PDE4D: variants seen among roughly 807,000 people sequenced by gnomAD.
PDE4D encodes 3',5'-cyclic-AMP phosphodiesterase 4D.
A neutral mutation model predicts 87.4 loss-of-function variants in PDE4D; 24 were observed. The observed-to-expected ratio is 0.27, with a 90% CI of 0.20 to 0.39. The LOEUF (loss-of-function observed/expected upper bound fraction) is 0.39. PDE4D is among the 10% of genes least tolerant of loss of function. The pLI, the probability that PDE4D is intolerant of heterozygous loss-of-function variation, is 1.00. For missense variants in PDE4D, 714 were observed against 1,041.0 expected (o/e 0.69, Z 4.32); for synonymous variants, 384 against 383.2 (o/e 1.00, Z -0.02).
intron 1 of PDE4D, among the ~76,000 whole-genome samples, chr5:59,856,892 A>T (rs1252382316): frequency 6.6e-6 from 1 of 152,148 alleles, no homozygotes; most frequent in African/African-American, 2.4e-5. Context: ...GAAAATGAGT[A>T]TTAGTCCTTT....
chr5:60,013,508 T>C (rs1379772939), intron 2 of PDE4D, among the ~76,000 whole-genome samples: 1 of 152,158 alleles, frequency 6.6e-6, no homozygotes, highest in African/African-American at 2.4e-5. Flanking sequence ...GTCACAAAGA[T>C]CTAGTAGCAT....
At chr5:59,100,420 G>A (rs1180018456) in intron 5 of PDE4D, among the ~76,000 whole-genome samples, 2 of 152,028 alleles carry the variant, frequency 1.3e-5, no homozygotes, top group Non-Finnish European at 2.9e-5. Context: ...ATTCCAAATG[G>A]TCTCCAAGGT....
intron 1 of PDE4D, among the ~76,000 whole-genome samples, chr5:59,296,611 T>C (rs1769149242): frequency 6.6e-6 from 1 of 152,154 alleles, no homozygotes; most frequent in South Asian, 2.1e-4. Context: ...AAGGTAGTTG[T>C]TACAAATAAG....
intron 5 of PDE4D, among the ~76,000 whole-genome samples, chr5:59,046,304 G>C (rs1760646255): frequency 6.6e-6 from 1 of 151,944 alleles, no homozygotes; most frequent in African/African-American, 2.4e-5. Context: ...GCATGAGAGA[G>C]CGAGAGAATG....
chr5:60,321,110 T>G (rs1313274208), intron 1 of PDE4D, among the ~76,000 whole-genome samples: 2 of 152,070 alleles, frequency 1.3e-5, no homozygotes, highest in African/African-American at 4.8e-5. Flanking sequence ...CCTCAGCAAA[T>G]GAATAAAGCT....
chr5:60,506,450 T>G (rs576453136), intron 1 of PDE4D, among the ~76,000 whole-genome samples: 26 of 152,342 alleles, frequency 1.7e-4, no homozygotes, highest in African/African-American at 5.8e-4. Flanking sequence ...CCATGAATGC[T>G]TCCTCTACCT....
intron 1 of PDE4D, among the ~76,000 whole-genome samples, chr5:59,773,272 A>G (rs1156874302): frequency 6.6e-6 from 1 of 152,218 alleles, no homozygotes; most frequent in Non-Finnish European, 1.5e-5. Context: ...CATATAGTTT[A>G]CCAATGGCAT....
At chr5:59,514,327 G>A (rs1314285984) in intron 1 of PDE4D, among the ~76,000 whole-genome samples, 46 of 151,944 alleles carry the variant, frequency 3.0e-4, no homozygotes, top group Admixed American at 2.9e-3. Flanking sequence ...GGATGGTCTC[G>A]ATCTCCTGAT....
At chr5:60,034,945 G>A (rs1767625313) in intron 2 of PDE4D, among the ~76,000 whole-genome samples, 1 of 152,110 alleles carries the variant, frequency 6.6e-6, no homozygotes, top group African/African-American at 2.4e-5. Context: ...ATGGTAGCCT[G>A]GAAGATCATC....
chr5:60,118,309 T>A (rs13354486), intron 2 of PDE4D, among the ~76,000 whole-genome samples: 15,328 of 152,104 alleles, frequency 0.1, 1,018 homozygotes, highest in South Asian at 0.16. Context: ...TAAGTTGAGG[T>A]TTACTTATGC....
At chr5:59,497,992 C>G (rs553695371) in intron 1 of PDE4D, among the ~76,000 whole-genome samples, 1 of 151,992 alleles carries the variant, frequency 6.6e-6, no homozygotes, top group Non-Finnish European at 1.5e-5. Flanking sequence ...AGAAACCATA[C>G]AAGCCAGAAG....
intron 5 of PDE4D, among the ~76,000 whole-genome samples, chr5:59,123,696 T>G (rs1044211980): frequency 6.6e-6 from 1 of 152,126 alleles, no homozygotes; most frequent in African/African-American, 2.4e-5. Flanking sequence ...ACTTAGCAGA[T>G]AGAAAAAAAG....
intron 1 of PDE4D, among the ~76,000 whole-genome samples, chr5:59,525,035 G>A (rs1044458371): frequency 1.3e-5 from 2 of 152,204 alleles, no homozygotes; most frequent in Non-Finnish European, 2.9e-5. Context: ...GGAAAATGTG[G>A]GGTGCAAGCT....
At position 60,251,708 on chromosome 5, in the gene PDE4D, T is replaced by C. The variant is rs188991945; in HGVS notation, c.-89-66021A>G. On this transcript the variant is annotated intron_variant, in intron 1 of 16. Coordinates refer to the PDE4D transcript ENST00000502484. Reference sequence around the variant, plus strand: ...GTGTCTTTATGATATAATAGAATGATTTATATTCCTTTGGGTATATACTCA... The same window carrying C: ...GTGTCTTTATGATATAATAGAATGACTTATATTCCTTTGGGTATATACTCA... Among the ~76,000 whole-genome samples the C allele has an allele frequency of 4.1e-4, 62 of 152,072 alleles. 1 individual carries two copies. Among genetic ancestry groups the C allele is most frequent in the Non-Finnish European group, 8.2e-4 (56 of 67,930 alleles).
At chr5:59,860,427 TG>T (rs532908797) in intron 1 of PDE4D, among the ~76,000 whole-genome samples, 159 of 152,298 alleles carry the variant, frequency 1.0e-3, no homozygotes, top group African/African-American at 3.6e-3. Context: ...CCCCACTAAG[TG>T]ATTTTTTTCT....
intron 1 of PDE4D, among the ~76,000 whole-genome samples, chr5:60,507,569 A>C (rs767529883): frequency 1.3e-5 from 2 of 152,178 alleles, no homozygotes; most frequent in Non-Finnish European, 2.9e-5. Flanking sequence ...TAGAAAATTC[A>C]TACCAATTTA....
intron 1 of PDE4D, among the ~76,000 whole-genome samples, chr5:59,697,142 T>A (rs1200937052): frequency 1.3e-5 from 2 of 152,094 alleles, no homozygotes; most frequent in Non-Finnish European, 2.9e-5. Flanking sequence ...GAATCTAAAT[T>A]AAAGGCCACA....
intron 1 of PDE4D, among the ~76,000 whole-genome samples, chr5:60,511,911 A>C (rs1328384832): frequency 6.6e-6 from 1 of 152,216 alleles, no homozygotes; most frequent in Non-Finnish European, 1.5e-5. Context: ...TTAATATTGT[A>C]TCCAAAATAT....
chr5:59,588,049 A>G (rs1029922223), intron 1 of PDE4D, among the ~76,000 whole-genome samples: 1 of 152,302 alleles, frequency 6.6e-6, no homozygotes, highest in Middle Eastern at 3.4e-3. Flanking sequence ...ATTTGTAACC[A>G]TTTAGCTGCA....
Sources: allele counts gnomAD v4.1 joint callset (sites outside exome capture counted in the v4.1 genomes callset), GRCh38; gene constraint gnomAD v4.1.1; transcripts MANE v1.5; gene names NCBI Gene and HGNC (gene_info 2026-07-23, HGNC 2026-07-21).